Variants in NINJ2 observed in about 807,000 individuals in gnomAD.
The protein encoded by NINJ2 is ninjurin-2.
In NINJ2, 12 loss-of-function variants were observed where a neutral mutation model predicts 11.7. The observed-to-expected ratio is 1.02, with a 90% CI of 0.66 to 1.66. The LOEUF is 1.66. NINJ2 is among the 40% of genes most tolerant of loss of function. The pLI is 0.00. For missense variants in NINJ2, 187 were observed against 181.8 expected (o/e 1.03, Z -0.16); for synonymous variants, 93 against 76.8 (o/e 1.21, Z -1.10).
Position 565,424 on chromosome 12 carries a change from G to A in NINJ2, c.263-23C>T, listed in dbSNP as rs201347912. The A allele has an allele frequency of 5.1e-4, 819 of 1,610,798 alleles. 5 individuals are homozygous for A. Among genetic ancestry groups the A allele is most frequent in the Middle Eastern group, 1.3e-3 (8 of 5,956 alleles). ...GTGCTGCAGGGAAGTGGAGTGGGGG[G>A]AAAGGGTCAGAGACGGGGCCACAGC... On this transcript the variant is annotated intron_variant, in intron 2 of 3. Transcript: ENST00000305108.
In NINJ2 at chr12:564,439, C is replaced by T. The variant is rs1017871237; in HGVS notation, c.*261G>A. 2 of 152,262 alleles carry T rather than the reference C, an allele frequency of 1.3e-5. No homozygotes were observed. Among genetic ancestry groups the T allele is most frequent in the African/African-American group, 4.8e-5 (2 of 41,462 alleles). 9.4% of individuals were successfully genotyped at this position (152,262 alleles called of 1,614,324 possible). ...CTTGGCCTTAGACAGACATGCCTTACTTAGGTCCAGCAGATGCTACCAGGA... is the reference window on the plus strand; with the variant it reads ...CTTGGCCTTAGACAGACATGCCTTATTTAGGTCCAGCAGATGCTACCAGGA... On this transcript the variant is annotated 3_prime_UTR_variant, in exon 4 of 4. Coordinates refer to ENST00000305108, the MANE Select transcript of NINJ2 (RefSeq NM_016533.6).
intron 1 of NINJ2, chr12:586,030 T>C (rs756427606): frequency 3.9e-5 from 6 of 152,076 alleles, no homozygotes; most frequent in Non-Finnish European, 7.3e-5. Context: ...AGCATTAATG[T>C]AACCCACAGT....
At chr12:601,369 A>C (rs1565630634) in intron 1 of NINJ2, among the ~76,000 whole-genome samples, 1 of 151,070 alleles carries the variant, frequency 6.6e-6, no homozygotes, top group Non-Finnish European at 1.5e-5. Context: ...ACACAGTGAA[A>C]CCCCGTCTCT....
chr12:573,528 A>G (rs1241099179), intron 1 of NINJ2, among the ~76,000 whole-genome samples: 1 of 152,110 alleles, frequency 6.6e-6, no homozygotes, highest in Non-Finnish European at 1.5e-5. Context: ...GCAGTGGGAC[A>G]AGATTGCACC....
chr12:577,431 A>AT (rs1947478912), intron 1 of NINJ2, among the ~76,000 whole-genome samples: 1 of 134,228 alleles, frequency 7.5e-6, no homozygotes, highest in Non-Finnish European at 1.6e-5. Flanking sequence ...ATATATATAC[A>AT]TATATATATA....
intron 1 of NINJ2, 29 bp from the exon 2 acceptor site, chr12:566,207 AG>A (rs749761022): frequency 6.3e-7 from 1 of 1,582,202 alleles, no homozygotes; most frequent in Non-Finnish European, 8.7e-7. Context: ...AGACTTACCA[AG>A]GGGAGCTCTG....
intron 1 of NINJ2, among the ~76,000 whole-genome samples, chr12:607,301 A>C (rs1947953217): frequency 6.6e-6 from 1 of 152,100 alleles, no homozygotes; most frequent in African/African-American, 2.4e-5. Flanking sequence ...TGGCGAGCAT[A>C]TTAGGGATAA....
At position 581,776 on chromosome 12, in the gene NINJ2, T is replaced by G. The variant is rs1176694875; in HGVS notation, c.34-15598A>C. Reference sequence around the variant, plus strand: ...TGTAGAAAGAGGAGACACCCCTTCCTCCTCGTGGTGAGAAGCTAGTATCTG... The same window carrying G: ...TGTAGAAAGAGGAGACACCCCTTCCGCCTCGTGGTGAGAAGCTAGTATCTG... On this transcript the variant is annotated intron_variant, in intron 1 of 3. Transcript: ENST00000305108. The surrounding 1 kb of genome is among the most constrained non-coding windows in gnomAD (Gnocchi z 4.9). Among the ~76,000 whole-genome samples, 3 of 152,104 alleles carry G rather than the reference T, an allele frequency of 2.0e-5. No homozygotes were observed. The highest frequency in any genetic ancestry group is 4.4e-5 in the Non-Finnish European group (3 of 68,012).
At chr12:566,803 G>A (rs116515742) in intron 1 of NINJ2, among the ~76,000 whole-genome samples, 3,748 of 152,300 alleles carry the variant, frequency 0.025, 162 homozygotes, top group African/African-American at 0.086. Context: ...ATGCATACTA[G>A]TTAAACACTC....
chr12:608,745 G>C (rs1947973204), intron 1 of NINJ2, among the ~76,000 whole-genome samples: 1 of 152,158 alleles, frequency 6.6e-6, no homozygotes, highest in African/African-American at 2.4e-5. Context: ...AGGTGCAAGA[G>C]CTGAGGTGTC....
chr12:568,060 G>A (rs1947326296), intron 1 of NINJ2, among the ~76,000 whole-genome samples: 1 of 152,112 alleles, frequency 6.6e-6, no homozygotes, highest in South Asian at 2.1e-4. Flanking sequence ...AGACTTTCTT[G>A]ATAGTGTAAT....
At chr12:636,206 G>T (rs564027931) in intron 1 of NINJ2, among the ~76,000 whole-genome samples, 1 of 151,320 alleles carries the variant, frequency 6.6e-6, no homozygotes, top group African/African-American at 2.4e-5. Context: ...GAGAAACCCC[G>T]TCTCTACTAA....
rs368600797 is a variant in NINJ2, at chr12:601,409, G to A, written c.34-35231C>T. The stretch of plus-strand genomic sequence containing the variant: ...AAAATACAAAAAAAATTAGCCAGGC[G>A]TGGTGGCGGGCGCCTGTAGTCCCAG... On this transcript the variant is annotated intron_variant, in intron 1 of 3. Coordinates refer to ENST00000305108, the MANE Select transcript of NINJ2 (RefSeq NM_016533.6). Among the ~76,000 whole-genome samples, 347 of 151,136 alleles carry A rather than the reference G, an allele frequency of 2.3e-3. 2 individuals carry two copies. The highest frequency in any genetic ancestry group is 7.8e-3 in the African/African-American group (316 of 40,654).
At chr12:618,221 G>C (rs952296592) in intron 1 of NINJ2, among the ~76,000 whole-genome samples, 1 of 147,178 alleles carries the variant, frequency 6.8e-6, no homozygotes, top group Non-Finnish European at 1.5e-5. Flanking sequence ...GAGGAGGTGG[G>C]GGTGAGGAGT....
At chr12:594,486 T>C (rs898945211) in intron 1 of NINJ2, among the ~76,000 whole-genome samples, 1 of 152,132 alleles carries the variant, frequency 6.6e-6, no homozygotes, top group African/African-American at 2.4e-5. Flanking sequence ...AAAACTCTGA[T>C]GAAAGAAACC....
chr12:567,661 A>G lies in NINJ2; in HGVS notation c.34-1483T>C, dbSNP rs144159557. Among the ~76,000 whole-genome samples the G allele has an allele frequency of 1.5e-4, 23 of 152,262 alleles. No individual in the cohort carries two copies. In the East Asian group the frequency reaches 3.5e-3, roughly 23 times the overall value. ...AGGACAGTTGATTTACACATAGGCT[A>G]ACTGATTTACCTATCTATCAGAACC... On this transcript the variant is annotated intron_variant, in intron 1 of 3. Coordinates refer to ENST00000305108, the MANE Select transcript of NINJ2 (RefSeq NM_016533.6).
chr12:657,595 T>C (rs140705388), intron 1 of NINJ2, among the ~76,000 whole-genome samples: 97 of 151,832 alleles, frequency 6.4e-4, no homozygotes, highest in Admixed American at 3.8e-3. Flanking sequence ...TCTCAAAAAA[T>C]AAATAAATAA....
intron 1 of NINJ2, among the ~76,000 whole-genome samples, chr12:634,262 G>GTTCTTTTTTTTTTTTTTTT: frequency 1.3e-5 from 1 of 75,622 alleles, no homozygotes; most frequent in Middle Eastern, 7.9e-3. Context: ...ATTAGTTGCA[G>GTTCTTTTTTTTTTTTTTTT]TTCTTTTTTT....
rs557412087 is a variant in NINJ2 at position 617,709 on chromosome 12, C to G, written c.33+45619G>C. Among the ~76,000 whole-genome samples, 11 of 152,338 alleles carry G rather than the reference C, an allele frequency of 7.2e-5. No individual in the cohort carries two copies. In the South Asian group the frequency reaches 1.2e-3, roughly 17 times the overall value. ...CCGTGTTTTCTGTGCTCTGCGCTCA[C>G]TCCCCAGGACGTTCTGGTTTCCTCA... On this transcript the variant is annotated intron_variant, in intron 1 of 3. Transcript: ENST00000305108.
Sources: gnomAD v4.1 joint callset for allele counts (sites outside exome capture counted in the v4.1 genomes callset) on GRCh38, gnomAD v4.1.1 for gene constraint, Gnocchi (gnomAD v3.1) non-coding constraint, MANE v1.5 for transcripts, NCBI Gene and HGNC (gene_info 2026-07-23, HGNC 2026-07-21) for gene names.